SCNN1B: variants seen among roughly 807,000 people sequenced by gnomAD.
The protein encoded by SCNN1B is epithelial sodium channel subunit beta.
In SCNN1B, 46 loss-of-function variants were observed where a neutral mutation model predicts 65.3. That is an observed-to-expected ratio of 0.70 (90% CI 0.56 to 0.90). The LOEUF is 0.90. Ranked by LOEUF, SCNN1B falls within the 40% of genes least tolerant of loss-of-function variation. The pLI is 0.00. For synonymous variants in SCNN1B, 349 were observed against 330.6 expected (o/e 1.06, Z -0.60); for missense variants, 751 against 830.5 (o/e 0.90, Z 1.18).
At chr16:23,336,850 A>T (rs899833047) in intron 1 of SCNN1B, among the ~76,000 whole-genome samples, 1 of 152,106 alleles carries the variant, frequency 6.6e-6, no homozygotes, top group African/African-American at 2.4e-5. Flanking sequence ...AGCCAAAAAT[A>T]AAAAAATGAG....
At chr16:23,354,415 C>T (rs1278631906) in intron 3 of SCNN1B, among the ~76,000 whole-genome samples, 1 of 152,242 alleles carries the variant, frequency 6.6e-6, no homozygotes, top group Admixed American at 6.5e-5. Context: ...ATCCGGCTTC[C>T]CGGGTTCCAG....
At chr16:23,310,869 G>A (rs556891883) in intron 1 of SCNN1B, among the ~76,000 whole-genome samples, 5 of 152,346 alleles carry the variant, frequency 3.3e-5, no homozygotes, top group African/African-American at 1.2e-4. Context: ...AGGTTGTTGA[G>A]TAACACTCAG....
At chr16:23,292,179 AT>A (rs1960934609) in intron 2 of SCNN1B, among the ~76,000 whole-genome samples, 1 of 147,838 alleles carries the variant, frequency 6.8e-6, no homozygotes, top group African/African-American at 2.5e-5. Flanking sequence ...TTTTTTATTT[AT>A]TTTATTTCTT....
intron 5 of SCNN1B, among the ~76,000 whole-genome samples, chr16:23,368,445 G>C (rs1052275585): frequency 6.6e-6 from 1 of 152,182 alleles, no homozygotes; most frequent in African/African-American, 2.4e-5. Context: ...AGGAGGCTGA[G>C]GCAGGAAGAT....
intron 2 of SCNN1B, among the ~76,000 whole-genome samples, chr16:23,289,675 T>TC (rs1268387331): frequency 7.9e-6 from 1 of 126,650 alleles, no homozygotes; most frequent in African/African-American, 2.8e-5. Context: ...ATATTTAACT[T>TC]TTTTTTTTTT....
chr16:23,362,416 G>C (rs1962571993), intron 4 of SCNN1B, among the ~76,000 whole-genome samples: 1 of 152,088 alleles, frequency 6.6e-6, no homozygotes, highest in African/African-American at 2.4e-5. Flanking sequence ...TACTATGGTT[G>C]TTGTTGTTTC....
intron 7 of SCNN1B, among the ~76,000 whole-genome samples, chr16:23,375,391 T>A (rs1400717881): frequency 6.6e-6 from 1 of 152,048 alleles, no homozygotes; most frequent in African/African-American, 2.4e-5. Flanking sequence ...ATCCTCATAA[T>A]GAGAGCTCTC....
intron 4 of SCNN1B, among the ~76,000 whole-genome samples, chr16:23,361,086 G>A (rs931228583): frequency 8.6e-5 from 13 of 152,032 alleles, no homozygotes; most frequent in Admixed American, 2.6e-4. Flanking sequence ...GAGCCACTGT[G>A]CCCAGCGTAA....
chr16:23,288,221 A>G (rs1316381941), intron 2 of SCNN1B, among the ~76,000 whole-genome samples: 3 of 152,120 alleles, frequency 2.0e-5, no homozygotes, highest in South Asian at 2.1e-4. Flanking sequence ...TAGCTAGGAT[A>G]TATCTATAAA....
chr16:23,284,467 T>A (rs567284683), intron 2 of SCNN1B, among the ~76,000 whole-genome samples: 2 of 152,078 alleles, frequency 1.3e-5, no homozygotes, highest in African/African-American at 4.8e-5. Flanking sequence ...AGAGCATGGA[T>A]CTAAGATCAA....
At chr16:23,326,901 C>A (rs1314684059) in intron 1 of SCNN1B, among the ~76,000 whole-genome samples, 1 of 151,934 alleles carries the variant, frequency 6.6e-6, no homozygotes, top group Non-Finnish European at 1.5e-5. Context: ...TCATTCCTAA[C>A]CCCTCTCCTA....
intron 1 of SCNN1B, among the ~76,000 whole-genome samples, chr16:23,343,497 AG>A: frequency 1.1e-5 from 1 of 87,370 alleles, no homozygotes; most frequent in African/African-American, 3.4e-5. Context: ...GAAGGAAGGA[AG>A]GAAGGAAGGA....
intron 4 of SCNN1B, among the ~76,000 whole-genome samples, chr16:23,365,152 C>T (rs886498585): frequency 4.7e-5 from 7 of 150,044 alleles, no homozygotes; most frequent in African/African-American, 7.4e-5. Flanking sequence ...AATAGTTGGG[C>T]GTGATGGTGC....
At chr16:23,287,518 C>A (rs1168736554) in intron 2 of SCNN1B, among the ~76,000 whole-genome samples, 1 of 151,904 alleles carries the variant, frequency 6.6e-6, no homozygotes. Context: ...TCAAGACCAG[C>A]CTGGGCAATA....
chr16:23,378,789 G>T (rs1425626997), intron 11 of SCNN1B, 22 bp downstream of exon 11: 2 of 1,612,974 alleles, frequency 1.2e-6, no homozygotes, highest in Non-Finnish European at 1.7e-6. Context: ...CCTGGGCGGG[G>T]CTGGGGAAGA....
At chr16:23,305,567 TATATATATATTATA>T (rs1567290406) in intron 1 of SCNN1B, among the ~76,000 whole-genome samples, 5,620 of 54,260 alleles carry the variant, frequency 0.1, 484 homozygotes, top group East Asian at 0.22. Context: ...TATATATATA[TATATATATATTATA>T]TATATATATA....
intron 1 of SCNN1B, among the ~76,000 whole-genome samples, chr16:23,345,354 G>T (rs1962164246): frequency 6.6e-6 from 1 of 152,184 alleles, no homozygotes. Flanking sequence ...CTTCTTATGG[G>T]TGCAAATGGC....
intron 4 of SCNN1B, among the ~76,000 whole-genome samples, chr16:23,365,954 G>A (rs1156976219): frequency 6.6e-6 from 1 of 152,200 alleles, no homozygotes; most frequent in Non-Finnish European, 1.5e-5. Context: ...AAAGATACAG[G>A]AAATGGCTTT....
chr16:23,346,275 G>A (rs1245843826), intron 1 of SCNN1B, among the ~76,000 whole-genome samples: 2 of 141,406 alleles, frequency 1.4e-5, no homozygotes, highest in East Asian at 2.1e-4. Flanking sequence ...GCAGTGGGGC[G>A]ATCTCAGCTC....
Sources: gnomAD v4.1 joint callset for allele counts (sites outside exome capture counted in the v4.1 genomes callset) on GRCh38, gnomAD v4.1.1 for gene constraint, MANE v1.5 for transcripts, NCBI Gene and HGNC (gene_info 2026-07-23, HGNC 2026-07-21) for gene names.